Variants in VWA8 observed in about 807,000 individuals in gnomAD.
VWA8 encodes the protein von Willebrand factor A domain containing 8, also known as von Willebrand factor A domain-containing protein 8.
VWA8 carries 221 observed loss-of-function variants against 241.5 expected under a neutral mutation model. That is an observed-to-expected ratio of 0.91 (90% CI 0.82 to 1.02). The LOEUF is 1.02. Ranked by LOEUF, VWA8 falls within the 50% of genes least tolerant of loss-of-function variation. VWA8 has a pLI of 0.00. For synonymous variants in VWA8, 852 were observed against 827.1 expected, an observed-to-expected ratio of 1.03 and a Z score of -0.52; for missense variants, 2,322 against 2,328.7, an observed-to-expected ratio of 1.00 and a Z score of 0.06.
intron 26 of VWA8, among the ~76,000 whole-genome samples, chr13:41,706,915 G>A (rs771050339): frequency 3.9e-5 from 6 of 152,148 alleles, no homozygotes; most frequent in Non-Finnish European, 7.3e-5. Context: ...AGGAACTTAA[G>A]GCCCATAAAT....
intron 21 of VWA8, among the ~76,000 whole-genome samples, chr13:41,759,283 G>A (rs1305312005): frequency 2.0e-5 from 3 of 151,374 alleles, no homozygotes; most frequent in Non-Finnish European, 4.4e-5. Context: ...TATTTCTCAG[G>A]AGAAGTCAGC....
Position 41,729,603 on chromosome 13 carries a change from A to C in VWA8, c.2577T>G (p.Ile859Met). ...ADKAPTNVTC[I>M]LKTLVENGEM... ...CTCCATTTTCTACTAGAGTTTTTAA[A>C]ATACACGTGACATTTGTTGGAGCTT... is the stretch of plus-strand genomic sequence containing the variant. Residue 859 changes from isoleucine (I) to methionine (M), a missense_variant, in exon 23 of 45, where the codon ATT (isoleucine) becomes ATG (methionine). Coordinates refer to ENST00000379310, the MANE Select transcript of VWA8 (RefSeq NM_015058.2). The C allele has an allele frequency of 6.2e-7, 1 of 1,613,298 alleles. No individual in the cohort carries two copies. Among genetic ancestry groups the C allele is most frequent in the Non-Finnish European group, 8.5e-7 (1 of 1,179,524 alleles).
chr13:41,867,314 T>G (rs1482719036), intron 10 of VWA8, among the ~76,000 whole-genome samples: 1 of 152,232 alleles, frequency 6.6e-6, no homozygotes, highest in African/African-American at 2.4e-5. Context: ...CAGTATTACT[T>G]TCTTCTCCAT....
At chr13:41,661,099 T>C (rs551948819) in intron 37 of VWA8, among the ~76,000 whole-genome samples, 9 of 152,208 alleles carry the variant, frequency 5.9e-5, no homozygotes, top group African/African-American at 1.7e-4. Flanking sequence ...CTCTTGATCT[T>C]GTGATCCGCC....
At chr13:41,907,798 T>C in intron 3 of VWA8, 102 bp from the exon 4 acceptor site, 2 of 916,330 alleles carry the variant, frequency 2.2e-6, no homozygotes, top group Non-Finnish European at 3.4e-6. Flanking sequence ...GAGAAGTGCA[T>C]TGTTAAACCT....
chr13:41,594,139 A>C (rs2044473714), intron 40 of VWA8, among the ~76,000 whole-genome samples: 1 of 135,676 alleles, frequency 7.4e-6, no homozygotes. Context: ...TTTTTTTTTG[A>C]CACAAGGTCT....
chr13:41,907,838 G>A (rs969632026), intron 3 of VWA8, 142 bp from the exon 4 acceptor site: 3 of 653,292 alleles, frequency 4.6e-6, no homozygotes, highest in Non-Finnish European at 7.9e-6. Flanking sequence ...TTGAATCTAA[G>A]TTTGAGAAAA....
Position 41,819,390 on chromosome 13 carries a change from A to T in VWA8, c.1701-4T>A. ...GGGATGGATAGGAAAAATGGATCTA[A>T]AATAGGAAAAAAAATGAAAAAAAAT... On this transcript the variant is annotated splice_region_variant and splice_polypyrimidine_tract_variant and intron_variant, in intron 14 of 44. Transcript: ENST00000379310. The T allele has an allele frequency of 1.9e-6, 3 of 1,590,692 alleles. No homozygotes were observed. Among genetic ancestry groups the T allele is most frequent in the Non-Finnish European group, 2.6e-6 (3 of 1,174,858 alleles).
chr13:41,793,514 A>C (rs1869545728), intron 17 of VWA8, among the ~76,000 whole-genome samples: 3 of 152,176 alleles, frequency 2.0e-5, no homozygotes, highest in Admixed American at 2.0e-4. Context: ...AAAATTGTCA[A>C]TTAAAAATAC....
intron 2 of VWA8, among the ~76,000 whole-genome samples, chr13:41,924,907 T>C (rs1876756861): frequency 6.6e-6 from 1 of 150,380 alleles, no homozygotes; most frequent in South Asian, 2.1e-4. Flanking sequence ...GGACATCAGA[T>C]TCATGAAGCT....
chr13:41,651,408 A>G (rs1363471801), intron 37 of VWA8, among the ~76,000 whole-genome samples: 1 of 152,192 alleles, frequency 6.6e-6, no homozygotes, highest in Non-Finnish European at 1.5e-5. Context: ...AGAATATAAT[A>G]GTGTAGAAAG....
intron 24 of VWA8, among the ~76,000 whole-genome samples, chr13:41,726,457 TG>T (rs1393669414): frequency 2.6e-5 from 4 of 152,200 alleles, no homozygotes; most frequent in Non-Finnish European, 4.4e-5. Context: ...AGACTTTTGA[TG>T]AGTAAGTTTA....
intron 36 of VWA8, among the ~76,000 whole-genome samples, chr13:41,671,975 A>C (rs1220098447): frequency 6.6e-6 from 1 of 152,218 alleles, no homozygotes; most frequent in African/African-American, 2.4e-5. Flanking sequence ...ATCTGTAAGA[A>C]GCAAAAATAC....
intron 21 of VWA8, among the ~76,000 whole-genome samples, chr13:41,760,203 T>C (rs974513010): frequency 1.3e-5 from 2 of 151,772 alleles, no homozygotes; most frequent in African/African-American, 4.8e-5. Context: ...TGTTCAGTTT[T>C]ATAGTTTTTA....
intron 21 of VWA8, among the ~76,000 whole-genome samples, chr13:41,752,040 C>G (rs1256075657): frequency 6.6e-6 from 1 of 152,122 alleles, no homozygotes; most frequent in Non-Finnish European, 1.5e-5. Context: ...TTACTGTTAA[C>G]TTCTCTTTTC....
At chr13:41,617,360 C>T (rs1262556743) in intron 37 of VWA8, among the ~76,000 whole-genome samples, 1 of 152,108 alleles carries the variant, frequency 6.6e-6, no homozygotes, top group African/African-American at 2.4e-5. Flanking sequence ...CTCAAGTGAT[C>T]CACCCGCCTT....
At chr13:41,825,777 TGAAAG>T (rs1566472040) in intron 14 of VWA8, among the ~76,000 whole-genome samples, 1 of 152,192 alleles carries the variant, frequency 6.6e-6, no homozygotes, top group Non-Finnish European at 1.5e-5. Context: ...AGTACAGAAA[TGAAAG>T]GACAGACAAT....
At chr13:41,618,266 T>C (rs1370471622) in intron 37 of VWA8, among the ~76,000 whole-genome samples, 3 of 152,248 alleles carry the variant, frequency 2.0e-5, no homozygotes, top group Admixed American at 6.5e-5. Context: ...TTTGGCTGCA[T>C]AAATGTCTTC....
At chr13:41,628,551 T>G (rs1295590794) in intron 37 of VWA8, among the ~76,000 whole-genome samples, 1 of 152,116 alleles carries the variant, frequency 6.6e-6, no homozygotes, top group Non-Finnish European at 1.5e-5. Flanking sequence ...AACAGTGGAC[T>G]GGATAAAGAA....
Sources: allele counts gnomAD v4.1 joint callset (sites outside exome capture counted in the v4.1 genomes callset), GRCh38; gene constraint gnomAD v4.1.1; transcripts MANE v1.5; gene names NCBI Gene and HGNC (gene_info 2026-07-23, HGNC 2026-07-21).